Variants in AUH observed in about 807,000 individuals in gnomAD.
AUH encodes the protein AU RNA binding methylglutaconyl-CoA hydratase.
Under a neutral mutation model 42.3 loss-of-function variants are expected in AUH, and 29 were observed. That is an observed-to-expected ratio of 0.69 (90% CI 0.51 to 0.93). The LOEUF is 0.93. AUH is among the 40% of genes least tolerant of loss of function. AUH has a pLI of 0.00. For missense variants in AUH, 452 were observed against 438.1 expected (o/e 1.03, Z -0.28); for synonymous variants, 174 against 166.4 (o/e 1.05, Z -0.35).
intron 6 of AUH, among the ~76,000 whole-genome samples, chr9:91,236,870 G>T (rs1828214961): frequency 6.6e-6 from 1 of 152,144 alleles, no homozygotes; most frequent in Non-Finnish European, 1.5e-5. Flanking sequence ...AGGAAAAATA[G>T]TAATTTATTC....
chr9:91,294,742 G>T, intron 6 of AUH: 1 of 455,976 alleles, frequency 2.2e-6, no homozygotes. Context: ...GGAAGATGAT[G>T]ATTCCAATCT....
chr9:91,270,630 T>C, intron 6 of AUH, among the ~76,000 whole-genome samples: 1 of 152,060 alleles, frequency 6.6e-6, no homozygotes, highest in African/African-American at 2.4e-5. Flanking sequence ...AAACACCTTC[T>C]GCTTGTGCTG....
intron 6 of AUH, among the ~76,000 whole-genome samples, chr9:91,282,001 C>G (rs1248387008): frequency 6.6e-6 from 1 of 152,150 alleles, no homozygotes; most frequent in Non-Finnish European, 1.5e-5. Context: ...GGTGAGCCCC[C>G]TTCTCACTCA....
intron 3 of AUH, among the ~76,000 whole-genome samples, chr9:91,332,190 T>C (rs990205612): frequency 1.3e-5 from 2 of 152,184 alleles, no homozygotes; most frequent in Admixed American, 6.5e-5. Context: ...CTCAAAATCA[T>C]CCGCATTAAA....
chr9:91,350,639 A>T (rs1047146671), intron 3 of AUH, among the ~76,000 whole-genome samples: 1 of 152,040 alleles, frequency 6.6e-6, no homozygotes, highest in Non-Finnish European at 1.5e-5. Context: ...GGTGCCTGTA[A>T]TCCCAGCTAC....
chr9:91,277,222 T>C (rs1825617687), intron 6 of AUH, among the ~76,000 whole-genome samples: 1 of 152,186 alleles, frequency 6.6e-6, no homozygotes, highest in African/African-American at 2.4e-5. Context: ...TAAAAATGGA[T>C]GCATAAAATA....
Position 91,284,867 on chromosome 9 carries a change from C to G in AUH, c.655+11154G>C, listed in dbSNP as rs559663675. Reference sequence around the variant, plus strand: ...ACACTTTTACACTGTTGGTGGGACTCTAAACTAGTTCAACCACTGTGGAAG... The same window carrying G: ...ACACTTTTACACTGTTGGTGGGACTGTAAACTAGTTCAACCACTGTGGAAG... On this transcript the variant is annotated intron_variant, in intron 6 of 9. Coordinates refer to ENST00000375731, the MANE Select transcript of AUH (RefSeq NM_001698.3). 2.8e-4 allele frequency among the ~76,000 whole-genome samples: 42 copies of G among 152,202 alleles called. No individual in the cohort carries two copies. In the South Asian group the frequency reaches 7.7e-3, roughly 28 times the overall value.
intron 6 of AUH, among the ~76,000 whole-genome samples, chr9:91,242,864 C>T (rs1828596022): frequency 6.6e-6 from 1 of 152,062 alleles, no homozygotes; most frequent in Non-Finnish European, 1.5e-5. Flanking sequence ...TTCATGTTAC[C>T]TAGAAATGAC....
intron 6 of AUH, among the ~76,000 whole-genome samples, chr9:91,287,049 T>C (rs528133245): frequency 1.3e-4 from 20 of 152,128 alleles, no homozygotes; most frequent in South Asian, 2.1e-4. Context: ...ACACTCTACA[T>C]AGAATTTTTA....
At chr9:91,264,586 T>C (rs1399605159) in intron 6 of AUH, among the ~76,000 whole-genome samples, 1 of 152,176 alleles carries the variant, frequency 6.6e-6, no homozygotes, top group Non-Finnish European at 1.5e-5. Flanking sequence ...TATTACTTTG[T>C]TTTCCTGGAG....
intron 7 of AUH, 127 bp from the exon 8 acceptor site, chr9:91,217,454 G>A (rs1325559439): frequency 2.0e-6 from 2 of 987,988 alleles, no homozygotes; most frequent in Admixed American, 2.3e-5. Context: ...TCAGATACTA[G>A]ATGGAAAATT....
rs10991841 is a variant in AUH, at chr9:91,248,530, G to A, written c.656-27538C>T. ...GTGGGAAGCGGGAGTGCCCCCAGGGGTAGTGGGAATATGGTCTAGATTACA... is the reference window on the plus strand; with the variant it reads ...GTGGGAAGCGGGAGTGCCCCCAGGGATAGTGGGAATATGGTCTAGATTACA... On this transcript the variant is annotated intron_variant, in intron 6 of 9. Coordinates refer to ENST00000375731, the MANE Select transcript of AUH (RefSeq NM_001698.3). Among the ~76,000 whole-genome samples, 347 of 152,332 alleles carry A rather than the reference G, an allele frequency of 2.3e-3. 9 individuals carry two copies. The East Asian group carries it at 0.061, about 27-fold the overall frequency.
intron 1 of AUH, chr9:91,357,520 G>A (rs1832511377): frequency 1.0e-6 from 1 of 957,960 alleles, no homozygotes; most frequent in Non-Finnish European, 1.2e-6. Flanking sequence ...GAGTCTAGGA[G>A]GGAAATACAA....
At chr9:91,221,099 A>C in intron 6 of AUH, 107 bp from the exon 7 acceptor site, 1 of 1,260,728 alleles carries the variant, frequency 7.9e-7, no homozygotes, top group Non-Finnish European at 1.1e-6. Context: ...CCAGAAGTTT[A>C]TATGTTAAAA....
At chr9:91,261,007 T>C (rs1223091020) in intron 6 of AUH, among the ~76,000 whole-genome samples, 1 of 152,190 alleles carries the variant, frequency 6.6e-6, no homozygotes, top group Non-Finnish European at 1.5e-5. Flanking sequence ...ATAGTTGTTT[T>C]ATATCTTCCA....
intron 1 of AUH, among the ~76,000 whole-genome samples, chr9:91,357,259 T>A (rs1225127847): frequency 6.6e-6 from 1 of 152,190 alleles, no homozygotes; most frequent in Non-Finnish European, 1.5e-5. Context: ...ACTCATGTAA[T>A]CCCCACCACA....
intron 6 of AUH, among the ~76,000 whole-genome samples, chr9:91,226,110 C>T (rs1265722697): frequency 6.8e-6 from 1 of 148,098 alleles, no homozygotes; most frequent in Non-Finnish European, 1.5e-5. Context: ...GTTCTAGATC[C>T]CTGAGGAATC....
At chr9:91,332,569 T>C (rs1486146218) in intron 3 of AUH, among the ~76,000 whole-genome samples, 1 of 152,196 alleles carries the variant, frequency 6.6e-6, no homozygotes, top group Non-Finnish European at 1.5e-5. Context: ...AGGAGGTTCA[T>C]AAACTTGGAA....
At chr9:91,272,313 C>T (rs1825204174) in intron 6 of AUH, among the ~76,000 whole-genome samples, 1 of 152,224 alleles carries the variant, frequency 6.6e-6, no homozygotes, top group African/African-American at 2.4e-5. Context: ...AATCCCACTA[C>T]ACCTGTGCCT....
Sources: allele counts gnomAD v4.1 joint callset (sites outside exome capture counted in the v4.1 genomes callset), GRCh38; gene constraint gnomAD v4.1.1; transcripts MANE v1.5; gene names NCBI Gene and HGNC (gene_info 2026-07-23, HGNC 2026-07-21).